IMMT: variants seen among roughly 807,000 people sequenced by gnomAD.
IMMT encodes inner membrane mitochondrial protein, also known as MICOS complex subunit MIC60.
In IMMT, 40 loss-of-function variants were observed where a neutral mutation model predicts 92.7. That is an observed-to-expected ratio of 0.43 (90% confidence interval 0.34 to 0.56). The LOEUF is 0.56. Ranked by LOEUF, IMMT falls within the 20% of genes least tolerant of loss-of-function variation. The probability of loss-of-function intolerance (pLI) is 0.03; values close to 1 mark genes in which losing one functional copy is unlikely to be tolerated. For missense variants in IMMT, 831 were observed against 912.1 expected, an observed-to-expected ratio of 0.91 and a Z score of 1.14; for synonymous variants, 322 against 336.1, an observed-to-expected ratio of 0.96 and a Z score of 0.46.
At chr2:86,186,286 T>A (rs960571181) in intron 1 of IMMT, among the ~76,000 whole-genome samples, 1 of 152,124 alleles carries the variant, frequency 6.6e-6, no homozygotes. Context: ...GGGATGTGCA[T>A]GTGGGAGGGA....
At chr2:86,181,248 C>G (rs919788006) in intron 2 of IMMT, 51 bp downstream of exon 2, 5 of 1,377,202 alleles carry the variant, frequency 3.6e-6, no homozygotes, top group Non-Finnish European at 5.2e-6. Context: ...ACACACACTC[C>G]CTAAGCAGCA....
chr2:86,168,379 T>C (rs113392178), intron 6 of IMMT, among the ~76,000 whole-genome samples: 1 of 152,152 alleles, frequency 6.6e-6, no homozygotes, highest in South Asian at 2.1e-4. Flanking sequence ...TCCCAGCACT[T>C]TGGGAGGCCG....
intron 2 of IMMT, among the ~76,000 whole-genome samples, chr2:86,180,308 C>T (rs1672348765): frequency 6.6e-6 from 1 of 152,072 alleles, no homozygotes. Context: ...TCTTGTCCCT[C>T]AGGCTGGAGT....
At position 86,151,508 on chromosome 2, in the gene IMMT, G is replaced by C; in HGVS notation, c.1190C>G (p.Ser397Cys). 8 of 1,613,196 alleles carry C rather than the reference G, an allele frequency of 5.0e-6. No homozygotes were observed. Among genetic ancestry groups the C allele is most frequent in the Non-Finnish European group, 6.8e-6 (8 of 1,179,138 alleles). Residue 397 changes from serine to cysteine, a missense_variant, in exon 12 of 15, where the codon TCT (serine) becomes TGT (cysteine). Physicochemically the swap from Ser to Cys is moderately radical, Grantham distance 112. Coordinates refer to ENST00000410111, the MANE Select transcript of IMMT (RefSeq NM_006839.3). ...AATGAGGGAGTTCAGATCATCAGTA[G>C]AGAGCTTGTCAGCTAAGCAAAAGAG... The part of the protein sequence containing the change: ...MSVSDLADKL[S>C]TDDLNSLIAH...
chr2:86,183,958 C>T (rs60768598), intron 1 of IMMT, among the ~76,000 whole-genome samples: 6,505 of 152,130 alleles, frequency 0.043, 490 homozygotes, highest in African/African-American at 0.15. Flanking sequence ...AATAATGCTA[C>T]CTGAGTAACA....
intron 7 of IMMT, among the ~76,000 whole-genome samples, chr2:86,165,652 C>T (rs1446802676): frequency 6.6e-6 from 1 of 152,094 alleles, no homozygotes; most frequent in Non-Finnish European, 1.5e-5. Context: ...TACATTTATA[C>T]ATACTGAATA....
chr2:86,153,083 A>G (rs1675595346), intron 11 of IMMT, among the ~76,000 whole-genome samples: 1 of 152,156 alleles, frequency 6.6e-6, no homozygotes, highest in African/African-American at 2.4e-5. Flanking sequence ...TGATAATAGT[A>G]TGGTGATGTT....
chr2:86,185,123 T>A (rs976587643), intron 1 of IMMT, among the ~76,000 whole-genome samples: 8 of 151,244 alleles, frequency 5.3e-5, no homozygotes, highest in Non-Finnish European at 1.0e-4. Flanking sequence ...GAGCTTGCAG[T>A]GAGCCGAGAT....
Position 86,173,756 on chromosome 2 carries a change from C to A in IMMT, c.315G>T (p.Gln105His), listed in dbSNP as rs756117361. The A allele has an allele frequency of 5.2e-6, 8 of 1,546,028 alleles. No homozygotes were observed. Among genetic ancestry groups the A allele is most frequent in the Non-Finnish European group, 7.1e-6 (8 of 1,123,186 alleles). Residue 105 changes from glutamine to histidine, a missense_variant, in exon 4 of 15, where the codon CAG becomes CAT. Physicochemically the swap from Gln to His is conservative, Grantham distance 24. Transcript: ENST00000410111. ...CACTAGAGATTTTTAGTGGACCCGA[C>A]TGAATCTTGGAAATAAAAAACATTT... Reference protein sequence around the residue: ...YNVPLPKKSIQSGPLKISSVS... With the variant: ...YNVPLPKKSIHSGPLKISSVS...
chr2:86,189,424 G>A (rs1415592958), intron 1 of IMMT, among the ~76,000 whole-genome samples: 3 of 152,018 alleles, frequency 2.0e-5, no homozygotes, highest in African/African-American at 7.3e-5. Flanking sequence ...TAGTAGAGAC[G>A]GGGTTTCACC....
intron 14 of IMMT, 48 bp downstream of exon 14, chr2:86,146,020 A>G: frequency 7.1e-7 from 1 of 1,408,964 alleles, no homozygotes; most frequent in Non-Finnish European, 9.5e-7. Context: ...ATTTTGATAA[A>G]TTATGCTGAG....
chr2:86,145,811 C>T (rs934527498), intron 14 of IMMT, among the ~76,000 whole-genome samples: 3 of 152,088 alleles, frequency 2.0e-5, no homozygotes, highest in Admixed American at 1.3e-4. Flanking sequence ...CCTTACCACC[C>T]AGGCACATGC....
chr2:86,187,215 CCT>C lies in IMMT; in HGVS notation c.46-5845_46-5844del, dbSNP rs148293827. On this transcript the variant is annotated intron_variant, in intron 1 of 14. Coordinates refer to ENST00000410111, the MANE Select transcript of IMMT (RefSeq NM_006839.3). ...CCATTAAGCAGTCATCCCCCATTTTCCTCTCTCTCTGGCCCCTGGCAACCACC... is the reference window on the plus strand; with the variant it reads ...CCATTAAGCAGTCATCCCCCATTTTCCTCTCTCTGGCCCCTGGCAACCACC... Among the ~76,000 whole-genome samples the C allele has an allele frequency of 6.8e-3, 1,026 of 151,976 alleles. 24 individuals are homozygous for C. In the East Asian group the frequency reaches 0.1, roughly 15 times the overall value.
rs1188632318 is a variant in IMMT at position 86,144,059 on chromosome 2, T to TA, written c.*208dup. 1 of 614,602 alleles carries TA rather than the reference T, an allele frequency of 1.6e-6. No individual in the cohort carries two copies. The highest frequency in any genetic ancestry group is 2.8e-6 in the Non-Finnish European group (1 of 354,264). 38.1% of individuals were successfully genotyped at this position (614,602 alleles called of 1,614,324 possible). A position where few individuals can be genotyped will look rare whatever the true frequency, so the allele number is the denominator to read the frequency against. On this transcript the variant is annotated 3_prime_UTR_variant, in exon 15 of 15. Transcript: ENST00000410111. ...TAAAACCTGAAAAAACAGAAAATGT[T>TA]ACACAAGTTGCAAAGAAAGCACTCC... is the stretch of plus-strand genomic sequence containing the variant.
rs76715337 is a variant in IMMT, at chr2:86,194,405, G to C, written c.45+933C>G. ...GTTCGTTCCACTTTCCTATGGAAGG[G>C]GCTGCTTCTGTTACCTAGCAGCAAA... is the stretch of plus-strand genomic sequence containing the variant. On this transcript the variant is annotated intron_variant, in intron 1 of 14. Transcript: ENST00000410111. Among the ~76,000 whole-genome samples, 482 of 152,254 alleles carry C rather than the reference G, an allele frequency of 3.2e-3. 4 individuals carry two copies. Among genetic ancestry groups the C allele is most frequent in the African/African-American group, 0.011 (467 of 41,548 alleles).
intron 12 of IMMT, among the ~76,000 whole-genome samples, chr2:86,148,534 C>T (rs555075921): frequency 1.3e-5 from 2 of 152,218 alleles, no homozygotes; most frequent in South Asian, 2.1e-4. Flanking sequence ...ATGGCGTGAA[C>T]CGAGGAGGCA....
At chr2:86,178,317 C>CAAAAAA (rs58264892) in intron 3 of IMMT, among the ~76,000 whole-genome samples, 2 of 89,734 alleles carry the variant, frequency 2.2e-5, no homozygotes, top group Non-Finnish European at 4.1e-5. Context: ...GACTCCATCT[C>CAAAAAA]AAAAAAAAAA....
At chr2:86,157,029 C>T (rs949577323) in intron 10 of IMMT, among the ~76,000 whole-genome samples, 3 of 152,122 alleles carry the variant, frequency 2.0e-5, no homozygotes, top group Non-Finnish European at 4.4e-5. Context: ...CACAGACAAC[C>T]CCTTGAGAAA....
chr2:86,191,712 G>C (rs571914478), intron 1 of IMMT, among the ~76,000 whole-genome samples: 1 of 141,374 alleles, frequency 7.1e-6, no homozygotes, highest in Non-Finnish European at 1.5e-5. Flanking sequence ...GACTATCCTG[G>C]CTAACACGGT....
Sources: gnomAD v4.1 joint callset for allele counts (sites outside exome capture counted in the v4.1 genomes callset) on GRCh38, gnomAD v4.1.1 for gene constraint, MANE v1.5 for transcripts, NCBI Gene and HGNC (gene_info 2026-07-23, HGNC 2026-07-21) for gene names.